Variants in SLC9B1 observed in about 807,000 individuals in gnomAD.
The protein encoded by SLC9B1 is sodium/hydrogen exchanger 9B1.
Under a neutral mutation model 51.7 loss-of-function variants are expected in SLC9B1, and 32 were observed. The observed-to-expected ratio is 0.62, with a 90% CI of 0.47 to 0.83. SLC9B1 has a LOEUF of 0.83. SLC9B1 is among the 40% of genes least tolerant of loss of function. The pLI, the probability that SLC9B1 is intolerant of heterozygous loss-of-function variation, is 0.00. For missense variants in SLC9B1, 406 were observed against 613.2 expected, an observed-to-expected ratio of 0.66 and a Z score of 3.57; for synonymous variants, 145 against 212.7, an observed-to-expected ratio of 0.68 and a Z score of 2.77.
intron 1 of SLC9B1, among the ~76,000 whole-genome samples, chr4:102,995,070 T>C (rs1426349857): frequency 6.6e-6 from 1 of 152,166 alleles, no homozygotes; most frequent in Non-Finnish European, 1.5e-5. Flanking sequence ...ATAGACAGAC[T>C]GGGAGTTAGA....
chr4:102,929,091 A>C (rs929722184), intron 7 of SLC9B1, among the ~76,000 whole-genome samples: 2 of 152,202 alleles, frequency 1.3e-5, no homozygotes, highest in Non-Finnish European at 2.9e-5. Flanking sequence ...TCCTTTGGCA[A>C]CACCCTCACA....
At chr4:102,959,404 CAATAA>C (rs747839137) in intron 3 of SLC9B1, among the ~76,000 whole-genome samples, 5 of 151,986 alleles carry the variant, frequency 3.3e-5, no homozygotes, top group Non-Finnish European at 7.4e-5. Context: ...GGTTTTGTTA[CAATAA>C]AATGAACTAG....
At chr4:103,001,388 G>A (rs1740517950) in intron 1 of SLC9B1, among the ~76,000 whole-genome samples, 1 of 152,158 alleles carries the variant, frequency 6.6e-6, no homozygotes, top group African/African-American at 2.4e-5. Context: ...TACATGGTCA[G>A]GCCACAAAAT....
chr4:102,901,944 C>T (rs758002070), intron 11 of SLC9B1, among the ~76,000 whole-genome samples: 25 of 152,158 alleles, frequency 1.6e-4, no homozygotes, highest in African/African-American at 2.4e-4. Context: ...ACTTATCTTA[C>T]TGAATGGTTG....
downstream of SLC9B1, among the ~76,000 whole-genome samples, chr4:102,899,072 C>T (rs2110418710): frequency 6.6e-6 from 1 of 151,756 alleles, no homozygotes; most frequent in East Asian, 1.9e-4. Flanking sequence ...TAATATCATA[C>T]ACATGGTTAA....
At chr4:102,980,779 C>A (rs1428284213) in intron 3 of SLC9B1, among the ~76,000 whole-genome samples, 1 of 152,094 alleles carries the variant, frequency 6.6e-6, no homozygotes, top group African/African-American at 2.4e-5. Flanking sequence ...CCACACACTT[C>A]CTCTATGACC....
chr4:102,949,786 T>G (rs541466885), intron 3 of SLC9B1, among the ~76,000 whole-genome samples: 1 of 151,838 alleles, frequency 6.6e-6, no homozygotes, highest in African/African-American at 2.4e-5. Flanking sequence ...CACAGTGAAA[T>G]CCCGTCTCTA....
chr4:102,911,077 G>T (rs1056794938), intron 8 of SLC9B1, among the ~76,000 whole-genome samples: 4 of 152,168 alleles, frequency 2.6e-5, no homozygotes, highest in African/African-American at 9.7e-5. Flanking sequence ...AAAATATGCA[G>T]AAATAAATGG....
rs184181885 is a variant in SLC9B1 at position 102,963,692 on chromosome 4, C to T, written c.212-14265G>A. On this transcript the variant is annotated intron_variant, in intron 3 of 11. Transcript: ENST00000296422. The stretch of plus-strand genomic sequence containing the variant: ...AAAAATGGCCCAAAATAGTTCTCCC[C>T]CAGGAAATAATGCAGTGGTATAAAT... Among the ~76,000 whole-genome samples, 9 of 152,156 alleles carry T rather than the reference C, an allele frequency of 5.9e-5. No homozygotes were observed. In the East Asian group the frequency reaches 1.7e-3, roughly 29 times the overall value.
At chr4:102,901,466 T>G (rs1189944415) in intron 11 of SLC9B1, 134 bp from the exon 12 acceptor site, 54 of 1,089,850 alleles carry the variant, frequency 5.0e-5, no homozygotes, top group Middle Eastern at 6.4e-4. Flanking sequence ...GTAATTTTCA[T>G]AAGTTACTCA....
chr4:102,966,865 C>T (rs1480397997), intron 3 of SLC9B1, among the ~76,000 whole-genome samples: 2 of 152,146 alleles, frequency 1.3e-5, no homozygotes, highest in Non-Finnish European at 2.9e-5. Flanking sequence ...TGCTTGCTTC[C>T]CTTGTCATTT....
At chr4:102,971,892 A>C (rs998282742) in intron 3 of SLC9B1, among the ~76,000 whole-genome samples, 2 of 152,224 alleles carry the variant, frequency 1.3e-5, no homozygotes, top group African/African-American at 4.8e-5. Flanking sequence ...AATCTAGAAG[A>C]AATGGATAAA....
rs1301488925 is a variant in SLC9B1, at chr4:102,932,423, A to G, written c.654-124T>C. 3 of 858,588 alleles carry G rather than the reference A, an allele frequency of 3.5e-6. No homozygotes were observed. The African/African-American group carries it at 5.1e-5, about 15-fold the overall frequency. The allele number at this position is 858,588 out of a possible 1,614,324, so 53.2% of individuals were successfully genotyped here. On this transcript the variant is annotated intron_variant, in intron 6 of 11. Coordinates refer to ENST00000296422, the MANE Select transcript of SLC9B1 (RefSeq NM_139173.4). ...TTAGAAGAATTTCAAATTTGAGTGA[A>G]TGCAATTTAATGGTGATAAAACTTT... is the stretch of plus-strand genomic sequence containing the variant.
intron 3 of SLC9B1, among the ~76,000 whole-genome samples, chr4:102,982,505 T>C (rs894269435): frequency 2.6e-5 from 4 of 152,146 alleles, no homozygotes; most frequent in Non-Finnish European, 5.9e-5. Flanking sequence ...CATCTGACAA[T>C]ACTAGTCTTT....
At chr4:102,936,917 C>T (rs113145935) in intron 6 of SLC9B1, among the ~76,000 whole-genome samples, 1,659 of 152,214 alleles carry the variant, frequency 0.011, 21 homozygotes, top group African/African-American at 0.037. Context: ...TGAGATACTA[C>T]ATAAGATGAC....
At chr4:102,893,417 A>T (rs1293919166) in intron 11 of SLC9B1, among the ~76,000 whole-genome samples, 2 of 152,224 alleles carry the variant, frequency 1.3e-5, no homozygotes, top group Non-Finnish European at 2.9e-5. Context: ...AATGACCAAA[A>T]CTAATCCAAG....
At chr4:102,994,685 T>G (rs1410778762) in intron 1 of SLC9B1, among the ~76,000 whole-genome samples, 1 of 152,174 alleles carries the variant, frequency 6.6e-6, no homozygotes, top group African/African-American at 2.4e-5. Flanking sequence ...GACTCACAGT[T>G]CCACATGGCT....
intron 1 of SLC9B1, 108 bp downstream of exon 1, chr4:103,019,491 G>T (rs548362807): frequency 1.4e-6 from 1 of 719,778 alleles, no homozygotes; most frequent in Non-Finnish European, 1.7e-6. Flanking sequence ...ATTGAACTGA[G>T]GGGGAGGAAA....
At chr4:103,009,163 G>A (rs141775081) in intron 1 of SLC9B1, among the ~76,000 whole-genome samples, 3,669 of 152,328 alleles carry the variant, frequency 0.024, 59 homozygotes, top group Non-Finnish European at 0.039. Flanking sequence ...TAGGCTGAAA[G>A]AATAGCAATA....
Sources: allele counts gnomAD v4.1 joint callset (sites outside exome capture counted in the v4.1 genomes callset), GRCh38; gene constraint gnomAD v4.1.1; transcripts MANE v1.5; gene names NCBI Gene and HGNC (gene_info 2026-07-23, HGNC 2026-07-21).